MYOM3: variants seen among roughly 807,000 people sequenced by gnomAD.
MYOM3 encodes myomesin-3.
A neutral mutation model predicts 191.7 loss-of-function variants in MYOM3; 155 were observed. The observed-to-expected ratio is 0.81, with a 90% CI of 0.71 to 0.92. MYOM3 has a LOEUF of 0.92. Among genes scored for constraint, MYOM3 ranks in the 40% least tolerant of loss-of-function variants. The probability of loss-of-function intolerance (pLI) is 0.00; values close to 1 mark genes in which losing one functional copy is unlikely to be tolerated. For missense variants in MYOM3, 1,889 were observed against 1,890.6 expected, an observed-to-expected ratio of 1.00 and a Z score of 0.02; for synonymous variants, 757 against 762.9, an observed-to-expected ratio of 0.99 and a Z score of 0.13.
At chr1:24,074,967 C>T (rs1198518463) in intron 22 of MYOM3, among the ~76,000 whole-genome samples, 2 of 152,130 alleles carry the variant, frequency 1.3e-5, no homozygotes, top group Non-Finnish European at 2.9e-5. Flanking sequence ...TGCCAAGCTA[C>T]TCAGGAGGCT....
At chr1:24,065,698 T>C (rs1286511135) in intron 29 of MYOM3, 193 bp downstream of exon 29, 1 of 626,482 alleles carries the variant, frequency 1.6e-6, no homozygotes, top group African/African-American at 1.8e-5. Context: ...TAATTTTGAT[T>C]TTTTAGAATA....
chr1:24,059,182 G>A (rs1374194475), intron 35 of MYOM3, among the ~76,000 whole-genome samples: 1 of 152,036 alleles, frequency 6.6e-6, no homozygotes, highest in Non-Finnish European at 1.5e-5. Flanking sequence ...TGCCCAGGGT[G>A]GAGTGCAGCA....
In MYOM3 at chr1:24,082,286, C is replaced by T. The variant is rs574007751; in HGVS notation, c.2093-98G>A. ...GCTGACGAGCCTCCTCTAGTTGGTG[C>T]CTGCCCTACTCCAGGGGTTTTTCCC... On this transcript the variant is annotated intron_variant, in intron 17 of 36. Coordinates refer to ENST00000374434, the MANE Select transcript of MYOM3 (RefSeq NM_152372.4). 1.0e-4 allele frequency: 115 copies of T among 1,128,180 alleles called. 1 individual carries two copies. The East Asian group carries it at 2.0e-3, about 19-fold the overall frequency. The allele number at this position is 1,128,180 out of a possible 1,614,324, so 69.9% of individuals were successfully genotyped here.
At chr1:24,088,097 C>A (rs934918684) in intron 14 of MYOM3, among the ~76,000 whole-genome samples, 1 of 152,174 alleles carries the variant, frequency 6.6e-6, no homozygotes, top group African/African-American at 2.4e-5. Flanking sequence ...CAGCCAGAAA[C>A]CCCGAGTCTC....
chr1:24,103,324 G>A (rs1174126748), intron 5 of MYOM3, among the ~76,000 whole-genome samples: 1 of 152,222 alleles, frequency 6.6e-6, no homozygotes, highest in Admixed American at 6.5e-5. Context: ...TGCCCAGCAA[G>A]GTACTTGGCA....
intron 1 of MYOM3, among the ~76,000 whole-genome samples, chr1:24,109,531 T>C (rs1428014271): frequency 1.3e-5 from 2 of 152,250 alleles, no homozygotes; most frequent in Non-Finnish European, 2.9e-5. Flanking sequence ...ATTCAGACAA[T>C]GCTTTCTCTA....
Position 24,075,473 on chromosome 1 carries a change from C to A in MYOM3, c.2704G>T (p.Ala902Ser). Residue 902 changes from alanine (A) to serine (S), a missense_variant and splice_region_variant, in exon 22 of 37, where the codon GCC becomes TCC. Transcript: ENST00000374434. ...TCCACACCAACCTCGATCTCATGGG[C>A]ACCTGAGGGCGAGATCCAACAGAGG... ...DPVLLEDKPG[A>S]HEIEVGVDEE... 2 of 1,564,614 alleles carry A rather than the reference C, an allele frequency of 1.3e-6. No homozygotes were observed. Among genetic ancestry groups the A allele is most frequent in the South Asian group, 1.2e-5 (1 of 82,362 alleles).
Position 24,107,192 on chromosome 1 carries a change from C to T in MYOM3, c.283G>A (p.Glu95Lys). The change falls in exon 4 of 37, where the codon GAG becomes AAG. Residue 95 changes from glutamate to lysine, a missense_variant. Physicochemically the swap from Glu to Lys is moderately conservative, Grantham distance 56. Coordinates refer to ENST00000374434, the MANE Select transcript of MYOM3 (RefSeq NM_152372.4). ...CCCACCCGCTTCTGCCCTCGCTCCT[C>T]CAGCTCCACGGCAGAGGTCTGGCGT... ...LRRQTSAVEL[E>K]ERGQKRVGFG... 1 of 1,608,896 alleles carries T rather than the reference C, an allele frequency of 6.2e-7. No individual in the cohort carries two copies. The highest frequency in any genetic ancestry group is 1.3e-5 in the African/African-American group (1 of 74,992).
intron 19 of MYOM3, among the ~76,000 whole-genome samples, chr1:24,080,471 C>T (rs1241542985): frequency 6.6e-6 from 1 of 152,180 alleles, no homozygotes; most frequent in Non-Finnish European, 1.5e-5. Context: ...CCATCCCAGA[C>T]AGCATTAATC....
chr1:24,067,387 T>TTTCCTTCCTTCC (rs55795415), intron 27 of MYOM3, among the ~76,000 whole-genome samples: 52 of 63,082 alleles, frequency 8.2e-4, no homozygotes, highest in African/African-American at 2.0e-3. Flanking sequence ...TTTCTTTCTT[T>TTTCCTTCCTTCC]TTCCTTCCTT....
At chr1:24,086,904 T>G in intron 14 of MYOM3, 77 bp from the exon 15 acceptor site, 185 of 1,438,116 alleles carry the variant, frequency 1.3e-4, no homozygotes, top group Middle Eastern at 1.9e-4. Context: ...CCATGATCTC[T>G]GTCCCCAGCC....
chr1:24,061,432 GTTTC>G, intron 33 of MYOM3, 123 bp from the exon 34 acceptor site: 1 of 972,862 alleles, frequency 1.0e-6, no homozygotes, highest in Non-Finnish European at 1.6e-6. Context: ...CCATGCCGAT[GTTTC>G]TTTGGGGCAG....
Position 24,082,487 on chromosome 1 carries a change from T to C in MYOM3, c.2092+106A>G, listed in dbSNP as rs1643684393. 3 of 1,403,526 alleles carry C rather than the reference T, an allele frequency of 2.1e-6. No individual in the cohort carries two copies. The Admixed American group carries it at 8.2e-5, about 38-fold the overall frequency. 86.9% of individuals were successfully genotyped at this position (1,403,526 alleles called of 1,614,324 possible). A position where few individuals can be genotyped will look rare whatever the true frequency, so the allele number is the denominator to read the frequency against. ...GCTCCAGTTTCCCTCAGAGGGCGTA[T>C]GTGCCACTGGCCACCAGGACTGGGC... On this transcript the variant is annotated intron_variant, in intron 17 of 36. Coordinates refer to ENST00000374434, the MANE Select transcript of MYOM3 (RefSeq NM_152372.4).
chr1:24,061,108 T>G (rs757196437), intron 34 of MYOM3, 26 bp from the exon 35 acceptor site: 2 of 1,613,846 alleles, frequency 1.2e-6, no homozygotes, highest in African/African-American at 2.7e-5. Flanking sequence ...GGGAACAAGG[T>G]GTGACATTCC....
At chr1:24,058,581 A>G (rs1190976617) in intron 36 of MYOM3, among the ~76,000 whole-genome samples, 3 of 152,248 alleles carry the variant, frequency 2.0e-5, no homozygotes, top group Non-Finnish European at 4.4e-5. Flanking sequence ...TAAGTCAGCA[A>G]TTGTTTTCAG....
chr1:24,066,545 A>G (rs1056763848), intron 28 of MYOM3: 1 of 420,046 alleles, frequency 2.4e-6, no homozygotes, highest in Non-Finnish European at 4.3e-6. Flanking sequence ...AATCAGATAG[A>G]CTTGTTCAAA....
intron 25 of MYOM3, 151 bp from the exon 26 acceptor site, chr1:24,068,518 C>A: frequency 1.2e-6 from 1 of 801,880 alleles, no homozygotes; most frequent in Non-Finnish European, 2.0e-6. Context: ...TCTGCTGCTC[C>A]CCCCACACCT....
chr1:24,062,367 G>A (rs72877648), intron 32 of MYOM3, among the ~76,000 whole-genome samples: 2,027 of 152,228 alleles, frequency 0.013, 32 homozygotes, highest in African/African-American at 0.037. Context: ...TGTTGCAGAG[G>A]TGACACCTCT....
At chr1:24,070,215 AC>A (rs1262812496) in intron 25 of MYOM3, among the ~76,000 whole-genome samples, 11 of 152,196 alleles carry the variant, frequency 7.2e-5, no homozygotes, top group Non-Finnish European at 1.6e-4. Context: ...AATCGGTTTG[AC>A]TTTAAGAGAA....
Sources: gnomAD v4.1 joint callset for allele counts (sites outside exome capture counted in the v4.1 genomes callset) on GRCh38, gnomAD v4.1.1 for gene constraint, MANE v1.5 for transcripts, NCBI Gene and HGNC (gene_info 2026-07-23, HGNC 2026-07-21) for gene names.